CASKIN1: variants seen among roughly 807,000 people sequenced by gnomAD.
CASKIN1 encodes the protein CASK interacting protein 1.
Under a neutral mutation model 117.5 loss-of-function variants are expected in CASKIN1, and 42 were observed. The observed-to-expected ratio is 0.36, with a 90% CI of 0.28 to 0.46. The LOEUF is 0.46. CASKIN1 is among the 20% of genes least tolerant of loss of function. CASKIN1 has a pLI of 1.00. For synonymous variants in CASKIN1, 1,148 were observed against 961.7 expected (o/e 1.19, Z -3.59); for missense variants, 2,083 against 2,077.3 (o/e 1.00, Z -0.05).
In CASKIN1 at chr16:2,182,830, G is replaced by T. The variant is rs1467892707; in HGVS notation, c.1629+816C>A. On this transcript the variant is annotated intron_variant, in intron 16 of 19. Coordinates refer to ENST00000343516, the MANE Select transcript of CASKIN1 (RefSeq NM_020764.4). This position sits in a 1 kb window ranked among gnomAD's most constrained non-coding sequence, Gnocchi z 4.1. ...GTTTGAGACGGAGCCTCGCTCTGTC[G>T]CCCAGGCTGGAGTGCAGTGGCGCAA... 6.6e-6 allele frequency among the ~76,000 whole-genome samples: 1 copy of T among 152,228 alleles called. No homozygotes were observed. Among genetic ancestry groups the T allele is most frequent in the Non-Finnish European group, 1.5e-5 (1 of 68,038 alleles).
intron 16 of CASKIN1, among the ~76,000 whole-genome samples, chr16:2,183,076 C>T (rs982967262): frequency 1.1e-4 from 16 of 152,218 alleles, no homozygotes; most frequent in East Asian, 3.8e-4. Context: ...CGTGAGCCAC[C>T]GCGCCCGGCC....
chr16:2,180,146 C>T lies in CASKIN1; in HGVS notation c.3222G>A (p.Leu1074=), dbSNP rs1289978497. Residue 1074 remains leucine, a synonymous_variant, in exon 18 of 20, where the codon CTG becomes CTA. Transcript: ENST00000343516. The part of the protein sequence containing the change: ...RTLSGPVTGL[L]ATARRGPGES... ...CCCCAGGCCCCCGGCGGGCAGTGGC[C>T]AGAAGTCCGGTGACTGGCCCGCTGA... 6.4e-7 allele frequency: 1 copy of T among 1,555,572 alleles called. No individual in the cohort carries two copies. The highest frequency in any genetic ancestry group is 2.4e-5 in the East Asian group (1 of 41,214).
intron 6 of CASKIN1, among the ~76,000 whole-genome samples, chr16:2,188,028 CAT>C (rs1231867214): frequency 4.0e-5 from 6 of 149,004 alleles, no homozygotes; most frequent in South Asian, 4.3e-4. Flanking sequence ...GGATTACAGA[CAT>C]GTGTGACCAT....
chr16:2,184,906 G>A (rs893788685), intron 13 of CASKIN1, 38 bp from the exon 14 acceptor site: 8 of 1,579,194 alleles, frequency 5.1e-6, no homozygotes, highest in Non-Finnish European at 6.9e-6. Flanking sequence ...GGGCTGTCGG[G>A]CTGCTTTCCT....
In CASKIN1 at chr16:2,189,132, T is replaced by C. The variant is rs771105210; in HGVS notation, c.512A>G (p.Asn171Ser). ...GGGCTCCAGCAGCGCCGCACACATA[T>C]TGCTGCTGAGGAGCAGCTGGACCAC... is the stretch of plus-strand genomic sequence containing the variant. ...VGVVQLLLSS[N>S]MCAALLEPRP... Residue 171 changes from asparagine (N) to serine (S), a missense_variant, in exon 6 of 20, where the codon AAT becomes AGT. Physicochemically the swap from Asn to Ser is conservative, Grantham distance 46. Around this residue, in one of 3 missense-constraint regions of CASKIN1, gnomAD observed 203 missense variants for 338.7 expected, o/e 0.60. Transcript: ENST00000343516. The C allele has an allele frequency of 2.5e-6, 4 of 1,613,116 alleles. 1 individual carries two copies. The South Asian group carries it at 4.4e-5, about 18-fold the overall frequency.
At position 2,182,081 on chromosome 16, in the gene CASKIN1, TAG is replaced by T. The variant is rs1315627748; in HGVS notation, c.1630-154_1630-153del. On this transcript the variant is annotated intron_variant, in intron 16 of 19. Transcript: ENST00000343516. This position sits in a 1 kb window ranked among gnomAD's most constrained non-coding sequence, Gnocchi z 4.1. ...GGCCGAGGTATTGGCACCAGAAATG[TAG>T]GCAGAGCCTCGGCTCAGGCACCGGA... The T allele has an allele frequency of 9.2e-7, 1 of 1,092,458 alleles. No individual in the cohort carries two copies. The highest frequency in any genetic ancestry group is 1.6e-5 in the African/African-American group (1 of 64,476). 67.7% of individuals were successfully genotyped at this position (1,092,458 alleles called of 1,614,324 possible).
intron 6 of CASKIN1, among the ~76,000 whole-genome samples, chr16:2,187,960 T>C (rs1386209627): frequency 6.6e-6 from 1 of 151,730 alleles, no homozygotes; most frequent in Non-Finnish European, 1.5e-5. Flanking sequence ...CATGGCTTAC[T>C]GCAGCCTCAA....
chr16:2,193,021 CT>C (rs1015055976), intron 1 of CASKIN1, among the ~76,000 whole-genome samples: 1 of 151,652 alleles, frequency 6.6e-6, no homozygotes, highest in East Asian at 1.9e-4. Context: ...AATTCTTTTT[CT>C]TTTTTTTTAT....
chr16:2,183,585 C>CTCTG (rs878972437), intron 16 of CASKIN1, 61 bp downstream of exon 16: 98 of 1,507,724 alleles, frequency 6.5e-5, no homozygotes, highest in Admixed American at 8.9e-5. Context: ...GAGGCAGGTT[C>CTCTG]TCTGTCTGTC....
Position 2,189,421 on chromosome 16 carries a change from C to G in CASKIN1, c.388G>C (p.Val130Leu). 1 of 1,611,598 alleles carries G rather than the reference C, an allele frequency of 6.2e-7. No individual in the cohort carries two copies. Among genetic ancestry groups the G allele is most frequent in the Non-Finnish European group, 8.5e-7 (1 of 1,179,462 alleles). Residue 130 changes from valine (V) to leucine (L), a missense_variant and splice_region_variant, in exon 4 of 20, where the codon GTG becomes CTG. By Grantham distance (32) the Val-to-Leu change is conservative (BLOSUM62 1). Coordinates refer to ENST00000343516, the MANE Select transcript of CASKIN1 (RefSeq NM_020764.4). ...HLAAQHGHYDVSEMLLQHQSN... is the reference protein window; with the variant it reads ...HLAAQHGHYDLSEMLLQHQSN... ...CCCCGCCCCCGCTCGGGCCTCACCACATCATAGTGACCATGCTGGGCCGCC... is the reference window on the plus strand; with the variant it reads ...CCCCGCCCCCGCTCGGGCCTCACCAGATCATAGTGACCATGCTGGGCCGCC...
chr16:2,192,448 C>T (rs1031254050), intron 1 of CASKIN1, among the ~76,000 whole-genome samples: 7 of 152,218 alleles, frequency 4.6e-5, no homozygotes, highest in East Asian at 3.9e-4. Context: ...GGACAGTGGC[C>T]GTACGTGGGG....
At position 2,182,571 on chromosome 16, in the gene CASKIN1, C is replaced by T. The variant is rs1035880135; in HGVS notation, c.1630-642G>A. ...GGTGCGCGGCAAGGCCCGTGGGACC[C>T]GGACCTGACCCCTAGGAGGATCCCC... On this transcript the variant is annotated intron_variant, in intron 16 of 19. Coordinates refer to ENST00000343516, the MANE Select transcript of CASKIN1 (RefSeq NM_020764.4). The surrounding 1 kb of genome is among the most constrained non-coding windows in gnomAD (Gnocchi z 4.1). 1.3e-5 allele frequency among the ~76,000 whole-genome samples: 2 copies of T among 152,204 alleles called. No homozygotes were observed. Among genetic ancestry groups the T allele is most frequent in the Admixed American group, 6.5e-5 (1 of 15,290 alleles).
intron 1 of CASKIN1, among the ~76,000 whole-genome samples, chr16:2,191,358 G>A (rs566900967): frequency 1.2e-4 from 19 of 152,310 alleles, no homozygotes; most frequent in African/African-American, 4.6e-4. Context: ...TGGACACAGG[G>A]TGCGGGTCCC....
chr16:2,194,330 G>A (rs2093209615), intron 1 of CASKIN1, among the ~76,000 whole-genome samples: 1 of 152,146 alleles, frequency 6.6e-6, no homozygotes, highest in Non-Finnish European at 1.5e-5. Context: ...CCCAGAACAG[G>A]CTCCTCTTCC....
At chr16:2,187,552 A>C (rs2093188569) in intron 6 of CASKIN1, 91 bp from the exon 7 acceptor site, 4 of 1,001,508 alleles carry the variant, frequency 4.0e-6, no homozygotes, top group Non-Finnish European at 6.1e-6. Context: ...CAGGTACCCC[A>C]GCAGTCAGCT....
intron 6 of CASKIN1, 69 bp downstream of exon 6, chr16:2,188,958 C>T (rs2093192853): frequency 1.3e-6 from 2 of 1,546,086 alleles, no homozygotes; most frequent in Admixed American, 1.9e-5. Flanking sequence ...AAGCTGGTGC[C>T]CTGAGCCCCA....
At position 2,180,072 on chromosome 16, in the gene CASKIN1, C is replaced by T. The variant is rs1319167568; in HGVS notation, c.3296G>A (p.Arg1099Gln). The T allele has an allele frequency of 5.7e-6, 9 of 1,573,354 alleles. No homozygotes were observed. Among genetic ancestry groups the T allele is most frequent in the African/African-American group, 2.7e-5 (2 of 73,692 alleles). The change falls in exon 18 of 20, where the codon CGG becomes CAG. Residue 1099 changes from arginine (R) to glutamine (Q), a missense_variant. Arg to Gln is a conservative substitution (Grantham distance 43, BLOSUM62 1). Around this residue, in one of 3 missense-constraint regions of CASKIN1, gnomAD observed 1,818 missense variants for 1,688.9 expected, o/e 1.08. Coordinates refer to ENST00000343516, the MANE Select transcript of CASKIN1 (RefSeq NM_020764.4). ...PFVEDGTGRQRPRGPSKGEAG... is the reference protein window; with the variant it reads ...PFVEDGTGRQQPRGPSKGEAG... ...CTCGCCCTTGGAGGGACCCCGAGGCCGCTGCCGGCCAGTGCCATCCTCCAC... is the reference window on the plus strand; with the variant it reads ...CTCGCCCTTGGAGGGACCCCGAGGCTGCTGCCGGCCAGTGCCATCCTCCAC...
chr16:2,187,805 G>C (rs2093189359), intron 6 of CASKIN1, among the ~76,000 whole-genome samples: 1 of 151,680 alleles, frequency 6.6e-6, no homozygotes, highest in Admixed American at 6.6e-5. Context: ...ATTTTTAGTA[G>C]AGACGGGGTT....
chr16:2,186,200 C>G (rs1213846618), intron 10 of CASKIN1, among the ~76,000 whole-genome samples: 1 of 152,176 alleles, frequency 6.6e-6, no homozygotes, highest in Non-Finnish European at 1.5e-5. Flanking sequence ...AACTCCTGGG[C>G]TCAAACAATC....
Sources: gnomAD v4.1 joint callset for allele counts (sites outside exome capture counted in the v4.1 genomes callset) on GRCh38, gnomAD v4.1.1 for gene constraint, gnomAD v4.1.1 regional missense constraint, Gnocchi (gnomAD v3.1) non-coding constraint, MANE v1.5 for transcripts, NCBI Gene and HGNC (gene_info 2026-07-23, HGNC 2026-07-21) for gene names.